The following USH2A variants were observed in gnomAD, a reference collection of about 807,000 sequenced individuals.
USH2A encodes usherin.
Under a neutral mutation model 538.9 loss-of-function variants are expected in USH2A, and 443 were observed. The observed-to-expected ratio is 0.82, with a 90% confidence interval of 0.76 to 0.89. The LOEUF (loss-of-function observed/expected upper bound fraction) is 0.89, where lower values mean the gene tolerates loss of function less well. Among genes scored for constraint, USH2A ranks in the 40% least tolerant of loss-of-function variants. The pLI is 0.00. For missense variants in USH2A, 6,633 were observed against 6,324.8 expected, an observed-to-expected ratio of 1.05 and a Z score of -1.65; for synonymous variants, 2,413 against 2,273.5, an observed-to-expected ratio of 1.06 and a Z score of -1.75.
intron 21 of USH2A, among the ~76,000 whole-genome samples, chr1:216,165,940 GT>G (rs543873587): frequency 1.1e-3 from 169 of 151,756 alleles, no homozygotes; most frequent in African/African-American, 3.5e-3. Context: ...CCAATGTGTA[GT>G]TTTTTTTATC....
chr1:215,810,165 T>G (rs1016584541), intron 49 of USH2A, among the ~76,000 whole-genome samples: 1 of 152,184 alleles, frequency 6.6e-6, no homozygotes, highest in Admixed American at 6.5e-5. Context: ...GCTCAATGGT[T>G]TGGTAGATAT....
In USH2A at chr1:216,367,962, G is replaced by A. The variant is rs1177434423; in HGVS notation, c.652-2877C>T. 2.6e-5 allele frequency among the ~76,000 whole-genome samples: 4 copies of A among 152,288 alleles called. No individual in the cohort carries two copies. The East Asian group carries it at 7.7e-4, about 29-fold the overall frequency. ...ATTCTCTAGCCCTATGAGGACAAGA[G>A]GAGCTCGTGCATGTTTATTGGTGTG... On this transcript the variant is annotated intron_variant, in intron 3 of 71. Transcript: ENST00000307340.
chr1:215,680,463 C>A lies in USH2A; in HGVS notation c.12067-87G>T. The stretch of plus-strand genomic sequence containing the variant: ...GAAAGTCATTCTCTGAACCTCATGG[C>A]CAAAGCTTGTAGGCAACAGCAGCGC... On this transcript the variant is annotated intron_variant, in intron 61 of 71. Transcript: ENST00000307340. 5.9e-6 allele frequency: 8 copies of A among 1,365,076 alleles called. No individual in the cohort carries two copies. The South Asian group carries it at 5.9e-5, about 10-fold the overall frequency. 84.6% of individuals were successfully genotyped at this position (1,365,076 alleles called of 1,614,324 possible).
At chr1:216,390,781 G>A (rs1404517499) in intron 3 of USH2A, among the ~76,000 whole-genome samples, 2 of 152,134 alleles carry the variant, frequency 1.3e-5, no homozygotes, top group African/African-American at 2.4e-5. Context: ...ATGTAAGCAT[G>A]CTCCCACCAC....
At chr1:216,184,961 C>A (rs2034569351) in intron 20 of USH2A, among the ~76,000 whole-genome samples, 1 of 151,946 alleles carries the variant, frequency 6.6e-6, no homozygotes, top group East Asian at 1.9e-4. Context: ...AGGGAAATAT[C>A]ACATTGTCCC....
At chr1:216,106,819 G>C (rs1571966281) in intron 21 of USH2A, among the ~76,000 whole-genome samples, 1 of 151,768 alleles carries the variant, frequency 6.6e-6, no homozygotes, top group South Asian at 2.1e-4. Flanking sequence ...TACTTGGGGT[G>C]CATTCCAAAA....
intron 3 of USH2A, among the ~76,000 whole-genome samples, chr1:216,410,767 A>G (rs1236190365): frequency 1.3e-5 from 2 of 152,006 alleles, no homozygotes; most frequent in African/African-American, 4.8e-5. Context: ...GGATTCATCA[A>G]CTCCCTTTCC....
chr1:216,285,698 G>A (rs905021426), intron 11 of USH2A, among the ~76,000 whole-genome samples: 2 of 152,222 alleles, frequency 1.3e-5, no homozygotes, highest in African/African-American at 4.8e-5. Context: ...CCTGTGAAAG[G>A]AGCCAGAAGG....
chr1:216,254,687 C>T (rs1246128096), intron 11 of USH2A, among the ~76,000 whole-genome samples: 1 of 152,142 alleles, frequency 6.6e-6, no homozygotes, highest in African/African-American at 2.4e-5. Flanking sequence ...ATTGCTCCTA[C>T]TGTCCCAGTG....
chr1:215,806,425 G>A (rs1662502421), intron 49 of USH2A, among the ~76,000 whole-genome samples: 1 of 152,024 alleles, frequency 6.6e-6, no homozygotes, highest in Non-Finnish European at 1.5e-5. Context: ...CTAATTACCT[G>A]ATGCCTTTGT....
At chr1:216,063,872 AAAC>A (rs535274225) in intron 30 of USH2A, among the ~76,000 whole-genome samples, 51 of 152,348 alleles carry the variant, frequency 3.3e-4, no homozygotes, top group Non-Finnish European at 7.2e-4. Context: ...TCTGGTCACA[AAAC>A]ATCACCAAAT....
rs566558167 is a variant in USH2A, at chr1:216,108,611, A to ACCC, written c.4628-11399_4628-11398insGGG. Among the ~76,000 whole-genome samples, 265 of 152,102 alleles carry ACCC rather than the reference A, an allele frequency of 1.7e-3. 1 individual carries two copies. Among genetic ancestry groups the ACCC allele is most frequent in the Non-Finnish European group, 3.1e-3 (208 of 67,906 alleles). On this transcript the variant is annotated intron_variant, in intron 21 of 71. Coordinates refer to ENST00000307340, the MANE Select transcript of USH2A (RefSeq NM_206933.4). Reference sequence around the variant, plus strand: ...CATGTATGTTAAATCTCCTGATATTATTCCACATGTTATCGATCTGTTTAT... The same window carrying ACCC: ...CATGTATGTTAAATCTCCTGATATTACCCTTCCACATGTTATCGATCTGTTTAT...
chr1:216,084,958 C>T, intron 24 of USH2A, 81 bp from the exon 25 acceptor site: 1 of 1,433,140 alleles, frequency 7.0e-7, no homozygotes, highest in Non-Finnish European at 9.7e-7. Context: ...CCATTAAAGT[C>T]AAAGAAATAG....
intron 21 of USH2A, among the ~76,000 whole-genome samples, chr1:216,151,006 C>T (rs2102619866): frequency 6.6e-6 from 1 of 152,162 alleles, no homozygotes; most frequent in East Asian, 1.9e-4. Flanking sequence ...CTGTATTTCA[C>T]TCCATCCTTG....
chr1:215,727,903 T>C (rs1659875131), intron 61 of USH2A, 127 bp downstream of exon 61: 7 of 1,172,510 alleles, frequency 6.0e-6, no homozygotes, highest in Non-Finnish European at 8.6e-6. Context: ...TTGCAACTTT[T>C]CACAAGTGAA....
At chr1:216,006,723 C>A (rs1172077544) in intron 32 of USH2A, among the ~76,000 whole-genome samples, 3 of 152,100 alleles carry the variant, frequency 2.0e-5, no homozygotes, top group Non-Finnish European at 4.4e-5. Flanking sequence ...TCTTGAGGAA[C>A]CAAGTAAGGG....
At chr1:215,836,234 A>C (rs1295084147) in intron 47 of USH2A, among the ~76,000 whole-genome samples, 1 of 151,424 alleles carries the variant, frequency 6.6e-6, no homozygotes, top group East Asian at 2.0e-4. Context: ...GACTGAAGTC[A>C]AAGGTCACAT....
intron 33 of USH2A, 54 bp downstream of exon 33, chr1:216,000,349 T>C (rs1441831194): frequency 3.7e-6 from 6 of 1,609,054 alleles, no homozygotes; most frequent in Non-Finnish European, 5.1e-6. Flanking sequence ...CTGATTGAAC[T>C]CACTGAGATT....
intron 64 of USH2A, among the ~76,000 whole-genome samples, chr1:215,667,843 T>C (rs1657682296): frequency 6.6e-6 from 1 of 152,236 alleles, no homozygotes; most frequent in African/African-American, 2.4e-5. Flanking sequence ...AACTGTCTTG[T>C]TCTTTTCACA....
Sources: gnomAD v4.1 joint callset for allele counts (sites outside exome capture counted in the v4.1 genomes callset) on GRCh38, gnomAD v4.1.1 for gene constraint, MANE v1.5 for transcripts, NCBI Gene and HGNC (gene_info 2026-07-23, HGNC 2026-07-21) for gene names.